The following DOCK2 variants were observed in gnomAD, a reference collection of about 807,000 sequenced individuals.
The protein encoded by DOCK2 is dedicator of cytokinesis protein 2.
In DOCK2, 87 loss-of-function variants were observed where a neutral mutation model predicts 248.9. That is an observed-to-expected ratio of 0.35 (90% CI 0.29 to 0.42). DOCK2 has a LOEUF of 0.42. Among genes scored for constraint, DOCK2 ranks in the 10% least tolerant of loss-of-function variants. The probability of loss-of-function intolerance (pLI) is 1.00; values close to 1 mark genes in which losing one functional copy is unlikely to be tolerated. For synonymous variants in DOCK2, 805 were observed against 821.6 expected, an observed-to-expected ratio of 0.98 and a Z score of 0.35; for missense variants, 1,747 against 2,300.2, an observed-to-expected ratio of 0.76 and a Z score of 4.92.
chr5:169,712,438 G>A (rs575000159), intron 17 of DOCK2, among the ~76,000 whole-genome samples: 1 of 152,302 alleles, frequency 6.6e-6, no homozygotes, highest in African/African-American at 2.4e-5. Flanking sequence ...TGAGACAGTG[G>A]ATGTAAACAT....
chr5:170,072,349 A>G (rs1757704907), intron 46 of DOCK2, among the ~76,000 whole-genome samples: 1 of 152,212 alleles, frequency 6.6e-6, no homozygotes, highest in Non-Finnish European at 1.5e-5. Context: ...TACACATACT[A>G]GAGGTTTGAC....
At chr5:169,879,899 G>T (rs1433942063) in intron 27 of DOCK2, among the ~76,000 whole-genome samples, 1 of 152,120 alleles carries the variant, frequency 6.6e-6, no homozygotes, top group Non-Finnish European at 1.5e-5. Context: ...TAAGGTAACA[G>T]AAAATACATT....
intron 22 of DOCK2, among the ~76,000 whole-genome samples, chr5:169,735,477 T>C (rs1406468714): frequency 6.6e-6 from 1 of 152,252 alleles, no homozygotes; most frequent in African/African-American, 2.4e-5. Context: ...TCTCAGGGAA[T>C]CTATCCCTGT....
chr5:169,807,375 G>A (rs1420505802), intron 26 of DOCK2, among the ~76,000 whole-genome samples: 1 of 152,148 alleles, frequency 6.6e-6, no homozygotes, highest in African/African-American at 2.4e-5. Flanking sequence ...AAGTTCCCAG[G>A]TGCTGTTGAT....
At chr5:170,050,168 T>C (rs1581557543) in intron 40 of DOCK2, 88 bp from the exon 41 acceptor site, 1 of 1,528,456 alleles carries the variant, frequency 6.5e-7, no homozygotes, top group South Asian at 1.3e-5. Flanking sequence ...CCATGGACCG[T>C]GGTCATTTTA....
intron 27 of DOCK2, among the ~76,000 whole-genome samples, chr5:169,881,193 A>G (rs1436211201): frequency 6.6e-6 from 1 of 152,212 alleles, no homozygotes. Context: ...ATGCTCATAG[A>G]CTTTGTTCTA....
In DOCK2 at chr5:169,945,298, G is replaced by T. The variant is rs149560437; in HGVS notation, c.2800-37770G>T. 6.0e-4 allele frequency among the ~76,000 whole-genome samples: 92 copies of T among 152,338 alleles called. 4 individuals carry two copies. In the East Asian group the frequency reaches 0.017, roughly 28 times the overall value. ...ACTAACGCCTTAGCAGGCATATACC[G>T]AGTGGTAGTTCTCTTCTCTCCTCTA... On this transcript the variant is annotated intron_variant, in intron 27 of 51. Transcript: ENST00000520908.
chr5:170,064,778 G>T (rs879592316), intron 44 of DOCK2, among the ~76,000 whole-genome samples: 1 of 152,076 alleles, frequency 6.6e-6, no homozygotes, highest in African/African-American at 2.4e-5. Context: ...CAACAAATCA[G>T]ATAAATCCAA....
At chr5:169,823,383 C>A (rs1266209775) in intron 26 of DOCK2, among the ~76,000 whole-genome samples, 3 of 151,818 alleles carry the variant, frequency 2.0e-5, no homozygotes, top group Non-Finnish European at 4.4e-5. Context: ...AAAATACTGG[C>A]AAACTGAATC....
intron 19 of DOCK2, among the ~76,000 whole-genome samples, chr5:169,714,934 T>C (rs1020875273): frequency 2.0e-5 from 3 of 152,158 alleles, no homozygotes; most frequent in African/African-American, 7.2e-5. Context: ...TGCATATATA[T>C]GTATGTATGT....
At chr5:169,944,430 G>A (rs954684014) in intron 27 of DOCK2, among the ~76,000 whole-genome samples, 8 of 152,198 alleles carry the variant, frequency 5.3e-5, no homozygotes, top group Admixed American at 4.6e-4. Context: ...CAGTTGCAAG[G>A]AGCCAGCCGT....
At chr5:169,821,725 AC>A (rs1309322225) in intron 26 of DOCK2, among the ~76,000 whole-genome samples, 7 of 152,112 alleles carry the variant, frequency 4.6e-5, no homozygotes, top group African/African-American at 1.4e-4. Flanking sequence ...ATGAGCAAAA[AC>A]CAGCTAACAT....
rs1025378152 is a variant in DOCK2, at chr5:169,882,492, C to A, written c.2799+41640C>A. 35 of 1,379,914 alleles carry A rather than the reference C, an allele frequency of 2.5e-5. No homozygotes were observed. The African/African-American group carries it at 4.8e-4, about 19-fold the overall frequency. The allele number at this position is 1,379,914 out of a possible 1,614,324, so 85.5% of individuals were successfully genotyped here. A position where few individuals can be genotyped will look rare whatever the true frequency, so the allele number is the denominator to read the frequency against. ...CTAAAAGAAACCAAAGCTGTCTCTG[C>A]CCCTGTGTTGGCAAATGACTTCACC... On this transcript the variant is annotated intron_variant, in intron 27 of 51. Transcript: ENST00000520908.
chr5:169,683,523 G>A (rs1196937715), intron 7 of DOCK2, among the ~76,000 whole-genome samples: 4 of 152,110 alleles, frequency 2.6e-5, no homozygotes, highest in African/African-American at 9.7e-5. Context: ...GAGCCACCAC[G>A]CCAGCCTAAT....
chr5:169,913,528 A>G (rs534650024), intron 27 of DOCK2, among the ~76,000 whole-genome samples: 22 of 152,364 alleles, frequency 1.4e-4, no homozygotes, highest in Non-Finnish European at 2.8e-4. Flanking sequence ...GTTTAAATGC[A>G]TTACTCAAAA....
chr5:169,814,901 G>A (rs1215947665), intron 26 of DOCK2, among the ~76,000 whole-genome samples: 7 of 152,106 alleles, frequency 4.6e-5, no homozygotes, highest in African/African-American at 1.4e-4. Context: ...TTACTAGAAG[G>A]TTCCATTTGC....
intron 26 of DOCK2, among the ~76,000 whole-genome samples, chr5:169,806,692 G>A (rs1767383525): frequency 6.6e-6 from 1 of 152,130 alleles, no homozygotes; most frequent in Admixed American, 6.5e-5. Context: ...CCACCTTTGA[G>A]TGGTGTCTTC....
intron 29 of DOCK2, among the ~76,000 whole-genome samples, chr5:169,995,087 G>A (rs1754559560): frequency 6.7e-6 from 1 of 148,656 alleles, no homozygotes; most frequent in Non-Finnish European, 1.5e-5. Context: ...GGAGTGCAGT[G>A]TCATGATCTC....
chr5:169,911,230 G>T (rs1223373405), intron 27 of DOCK2, among the ~76,000 whole-genome samples: 1 of 151,982 alleles, frequency 6.6e-6, no homozygotes, highest in Non-Finnish European at 1.5e-5. Flanking sequence ...CAGAGGATAA[G>T]AAAAAAAGGA....
Sources: allele counts gnomAD v4.1 joint callset (sites outside exome capture counted in the v4.1 genomes callset), GRCh38; gene constraint gnomAD v4.1.1; transcripts MANE v1.5; gene names NCBI Gene and HGNC (gene_info 2026-07-23, HGNC 2026-07-21).